FBXW2: variants seen among roughly 807,000 people sequenced by gnomAD.
FBXW2 encodes the protein F-box/WD repeat-containing protein 2.
Under a neutral mutation model 46.0 loss-of-function variants are expected in FBXW2, and 12 were observed. The ratio of observed to expected loss-of-function variants is 0.26; its 90% CI spans 0.17 to 0.42. The LOEUF is 0.42. Ranked by LOEUF, FBXW2 falls within the 10% of genes least tolerant of loss-of-function variation. The probability of loss-of-function intolerance (pLI) is 1.00; values close to 1 mark genes in which losing one functional copy is unlikely to be tolerated. For synonymous variants in FBXW2, 203 were observed against 209.6 expected, an observed-to-expected ratio of 0.97 and a Z score of 0.27; for missense variants, 360 against 537.0, an observed-to-expected ratio of 0.67 and a Z score of 3.26.
intron 2 of FBXW2, among the ~76,000 whole-genome samples, chr9:120,791,602 T>C (rs952026988): frequency 3.4e-4 from 52 of 152,210 alleles, no homozygotes; most frequent in African/African-American, 1.2e-3. Flanking sequence ...CACCTGGCAG[T>C]AAAGATTTCT....
intron 7 of FBXW2, among the ~76,000 whole-genome samples, chr9:120,768,037 GCTC>G (rs2131288592): frequency 6.6e-6 from 1 of 152,172 alleles, no homozygotes; most frequent in South Asian, 2.1e-4. Context: ...CTCTTTGATG[GCTC>G]CTTATTGTGC....
At position 120,788,265 on chromosome 9, in the gene FBXW2, A is replaced by G. The variant is rs769586301; in HGVS notation, c.-7T>C. On this transcript the variant is annotated 5_prime_UTR_variant, in exon 3 of 8. Coordinates refer to ENST00000608872, the MANE Select transcript of FBXW2 (RefSeq NM_012164.4). Reference sequence around the variant, plus strand: ...CAAAGTCCTTTCTCTCCATAAGGTTATGGAAAAATTTACCTGTGGCACATC... The same window carrying G: ...CAAAGTCCTTTCTCTCCATAAGGTTGTGGAAAAATTTACCTGTGGCACATC... The G allele has an allele frequency of 6.2e-7, 1 of 1,611,564 alleles. No homozygotes were observed. The highest frequency in any genetic ancestry group is 1.1e-5 in the South Asian group (1 of 91,016).
chr9:120,789,759 T>C (rs967734765), intron 2 of FBXW2, among the ~76,000 whole-genome samples: 1 of 152,190 alleles, frequency 6.6e-6, no homozygotes, highest in Non-Finnish European at 1.5e-5. Flanking sequence ...GTGAGTAAAA[T>C]TGTAAGTGTC....
chr9:120,792,290 A>G (rs1005679931), intron 2 of FBXW2: 2 of 152,230 alleles, frequency 1.3e-5, no homozygotes, highest in Non-Finnish European at 2.9e-5. Context: ...CCTAGTCAAG[A>G]GTGAAAGCAA....
chr9:120,773,822 C>T (rs997457080), intron 5 of FBXW2, among the ~76,000 whole-genome samples: 2 of 152,204 alleles, frequency 1.3e-5, no homozygotes, highest in Non-Finnish European at 2.9e-5. Flanking sequence ...AAGACATCAC[C>T]GTCAGTGTCC....
At chr9:120,771,627 A>G in intron 6 of FBXW2, 110 bp from the exon 7 acceptor site, 1 of 904,696 alleles carries the variant, frequency 1.1e-6, no homozygotes, top group South Asian at 1.8e-5. Flanking sequence ...AGTATACTGG[A>G]AAGACCCCAG....
rs747414017 is a variant in FBXW2, at chr9:120,764,522, G to A, written c.*37C>T. On this transcript the variant is annotated 3_prime_UTR_variant, in exon 8 of 8. Coordinates refer to ENST00000608872, the MANE Select transcript of FBXW2 (RefSeq NM_012164.4). ...GGTTGCACCCAAAACCCGCAGCCCC[G>A]GCACCCAAAGTCAGTCAGCGGTGGT... 52 of 1,588,570 alleles carry A rather than the reference G, an allele frequency of 3.3e-5. No homozygotes were observed. In the East Asian group the frequency reaches 5.2e-4, roughly 16 times the overall value.
chr9:120,771,180 T>A (rs1164234188), intron 7 of FBXW2, among the ~76,000 whole-genome samples, 168 bp downstream of exon 7: 1 of 152,228 alleles, frequency 6.6e-6, no homozygotes, highest in Non-Finnish European at 1.5e-5. Context: ...TCTAAAATAT[T>A]TTTCCTGTCT....
chr9:120,767,215 T>C (rs2044291925), intron 7 of FBXW2, among the ~76,000 whole-genome samples: 1 of 152,120 alleles, frequency 6.6e-6, no homozygotes, highest in African/African-American at 2.4e-5. Context: ...GAAAAAAAAA[T>C]CTATGATACT....
intron 4 of FBXW2, among the ~76,000 whole-genome samples, chr9:120,777,619 G>A (rs2044524650): frequency 6.6e-6 from 1 of 152,120 alleles, no homozygotes; most frequent in African/African-American, 2.4e-5. Flanking sequence ...ATTCTCAGAG[G>A]CTAAAGCAGT....
chr9:120,776,818 C>A (rs2044507151), intron 4 of FBXW2, among the ~76,000 whole-genome samples: 1 of 152,070 alleles, frequency 6.6e-6, no homozygotes, highest in African/African-American at 2.4e-5. Context: ...CAAATGTATA[C>A]CAGTTCTAAA....
chr9:120,777,632 G>A (rs954617879), intron 4 of FBXW2, among the ~76,000 whole-genome samples: 6 of 152,116 alleles, frequency 3.9e-5, no homozygotes, highest in African/African-American at 1.2e-4. Context: ...AAAGCAGTGG[G>A]TAAATGGGGG....
chr9:120,770,874 G>A, intron 7 of FBXW2, among the ~76,000 whole-genome samples: 1 of 152,148 alleles, frequency 6.6e-6, no homozygotes, highest in East Asian at 1.9e-4. Context: ...TACTTCTTTG[G>A]AGGGAAACCC....
At position 120,778,397 on chromosome 9, in the gene FBXW2, C is replaced by G; in HGVS notation, c.639G>C (p.Trp213Cys). The change falls in exon 4 of 8, where the codon TGG (tryptophan) becomes TGC (cysteine). Residue 213 changes from tryptophan to cysteine, a missense_variant. Trp to Cys is a radical substitution (Grantham distance 215). Transcript: ENST00000608872. The part of the protein sequence containing the change: ...SFDNTVACWE[W>C]SSGARTQHFR... The stretch of plus-strand genomic sequence containing the variant: ...AGTGCTGGGTCCTGGCTCCGGAACT[C>G]CATTCCCAGCAAGCCACAGTGTTGT... 1.2e-6 allele frequency: 2 copies of G among 1,613,640 alleles called. No individual in the cohort carries two copies. Among genetic ancestry groups the G allele is most frequent in the Non-Finnish European group, 1.7e-6 (2 of 1,179,748 alleles).
chr9:120,775,945 G>C, intron 5 of FBXW2, 148 bp downstream of exon 5: 4 of 873,524 alleles, frequency 4.6e-6, no homozygotes, highest in Non-Finnish European at 6.9e-6. Context: ...CCTTCTACTT[G>C]CTGGTCACTG....
At chr9:120,778,007 G>A (rs1214754823) in intron 4 of FBXW2, among the ~76,000 whole-genome samples, 1 of 151,668 alleles carries the variant, frequency 6.6e-6, no homozygotes, top group African/African-American at 2.4e-5. Flanking sequence ...TCAGTTCAGA[G>A]GTATGGAATC....
At chr9:120,791,920 C>A (rs2044851353) in intron 2 of FBXW2, among the ~76,000 whole-genome samples, 3 of 152,098 alleles carry the variant, frequency 2.0e-5, no homozygotes, top group Non-Finnish European at 4.4e-5. Flanking sequence ...AAAAAGACTC[C>A]TAAATTGGAA....
intron 4 of FBXW2, among the ~76,000 whole-genome samples, chr9:120,777,417 C>T (rs2044520063): frequency 1.3e-5 from 2 of 152,190 alleles, no homozygotes; most frequent in South Asian, 4.1e-4. Context: ...GCAAGTAACT[C>T]CAGTCACATG....
intron 5 of FBXW2, 70 bp from the exon 6 acceptor site, chr9:120,772,910 T>A: frequency 1.8e-6 from 2 of 1,084,442 alleles, no homozygotes; most frequent in Admixed American, 2.2e-5. Context: ...ATTCTTTAAA[T>A]TAAAATACAA....
Sources: gnomAD v4.1 joint callset for allele counts (sites outside exome capture counted in the v4.1 genomes callset) on GRCh38, gnomAD v4.1.1 for gene constraint, MANE v1.5 for transcripts, NCBI Gene and HGNC (gene_info 2026-07-23, HGNC 2026-07-21) for gene names.